Variants in NFKBID observed in about 807,000 individuals in gnomAD.
NFKBID encodes NF-kappa-B inhibitor delta.
Under a neutral mutation model 53.4 loss-of-function variants are expected in NFKBID, and 26 were observed. The ratio of observed to expected loss-of-function variants is 0.49; its 90% CI spans 0.36 to 0.68. The LOEUF (loss-of-function observed/expected upper bound fraction) is 0.68, where lower values mean the gene tolerates loss of function less well. Among genes scored for constraint, NFKBID ranks in the 30% least tolerant of loss-of-function variants. The probability of loss-of-function intolerance (pLI) is 0.00; values close to 1 mark genes in which losing one functional copy is unlikely to be tolerated. For synonymous variants in NFKBID, 262 were observed against 259.8 expected (o/e 1.01, Z -0.08); for missense variants, 493 against 614.1 (o/e 0.80, Z 2.08).
intron 9 of NFKBID, 53 bp from the exon 10 acceptor site, chr19:35,890,543 T>A (rs772375328): frequency 8.3e-7 from 1 of 1,202,460 alleles, no homozygotes; most frequent in Non-Finnish European, 1.2e-6. Context: ...CTAGGTGCCC[T>A]CCCACAGAAT....
exon 4 of NFKBID, chr19:35,897,690 C>T (rs767702552): frequency 6.8e-6 from 11 of 1,610,314 alleles, no homozygotes; most frequent in African/African-American, 2.7e-5. Flanking sequence ...GCCCTGGGTC[C>T]GAGGGTGGGT....
chr19:35,898,573 C>A, intron 2 of NFKBID, 41 bp from the exon 3 acceptor site: 1 of 1,478,274 alleles, frequency 6.8e-7, no homozygotes, highest in Admixed American at 2.2e-5. Flanking sequence ...GTGACTTTAT[C>A]TGGCAGATTC....
At chr19:35,891,242 A>G (rs1974741591) in intron 9 of NFKBID, among the ~76,000 whole-genome samples, 1 of 152,244 alleles carries the variant, frequency 6.6e-6, no homozygotes, top group Non-Finnish European at 1.5e-5. Context: ...GGGGGAAAAT[A>G]AAAGACATTT....
At chr19:35,899,449 C>T (rs1302090279) in intron 1 of NFKBID, among the ~76,000 whole-genome samples, 1 of 151,360 alleles carries the variant, frequency 6.6e-6, no homozygotes, top group African/African-American at 2.4e-5. Context: ...GCTGTATATC[C>T]CAGGTGAGGC....
chr19:35,891,536 A>AT (rs1371079899), intron 9 of NFKBID, among the ~76,000 whole-genome samples: 1 of 152,168 alleles, frequency 6.6e-6, no homozygotes, highest in African/African-American at 2.4e-5. Flanking sequence ...AAAATCTTTA[A>AT]TTTTTTAAAG....
chr19:35,896,109 C>G lies in NFKBID; in HGVS notation c.903G>C (p.Thr301=). ...TAGCAACGTTAAGGGCCAGGATGGC[C>G]GTGTGGAGCGGGGTGAGGCCTGCAG... Residue 301 remains threonine, a synonymous_variant, in exon 9 of 12, where the codon ACG becomes ACC. Coordinates refer to ENST00000641389, the Ensembl canonical transcript of NFKBID. The surrounding 1 kb of genome is among the most constrained non-coding windows in gnomAD (Gnocchi z 5.7). 1.2e-6 allele frequency: 2 copies of G among 1,614,174 alleles called. No individual in the cohort carries two copies. Among genetic ancestry groups the G allele is most frequent in the Non-Finnish European group, 8.5e-7 (1 of 1,180,012 alleles).
At chr19:35,900,411 G>C (rs1258377509) in intron 1 of NFKBID, 31 bp downstream of exon 1, 1 of 1,227,724 alleles carries the variant, frequency 8.1e-7, no homozygotes, top group African/African-American at 1.6e-5. Context: ...CTCTCTTAGG[G>C]GGCCGAACGC....
intron 10 of NFKBID, 138 bp downstream of exon 10, chr19:35,890,236 T>C (rs2146934402): frequency 2.4e-6 from 2 of 842,002 alleles, no homozygotes; most frequent in Middle Eastern, 3.1e-4. Flanking sequence ...TGGGGCAATC[T>C]GTGTCTGCTT....
At position 35,896,109 on chromosome 19, in the gene NFKBID, C is replaced by T. The variant is rs201008624; in HGVS notation, c.903G>A (p.Thr301=). 137 of 1,614,174 alleles carry T rather than the reference C, an allele frequency of 8.5e-5. No individual in the cohort carries two copies. In the African/African-American group the frequency reaches 1.6e-3, roughly 19 times the overall value. The change falls in exon 9 of 12, where the codon ACG becomes ACA. Residue 301 remains threonine, a synonymous_variant. Coordinates refer to ENST00000641389, the Ensembl canonical transcript of NFKBID. This position sits in a 1 kb window ranked among gnomAD's most constrained non-coding sequence, Gnocchi z 5.7. ...TAGCAACGTTAAGGGCCAGGATGGCCGTGTGGAGCGGGGTGAGGCCTGCAG... is the reference window on the plus strand; with the variant it reads ...TAGCAACGTTAAGGGCCAGGATGGCTGTGTGGAGCGGGGTGAGGCCTGCAG...
At chr19:35,888,543 G>T (rs1020498541) in exon 12 of NFKBID, 1 of 1,556,888 alleles carries the variant, frequency 6.4e-7, no homozygotes, top group South Asian at 1.2e-5. Context: ...ATCAGTCCAG[G>T]GTCTGGGTTT....
chr19:35,891,520 T>C (rs916393132), intron 9 of NFKBID, among the ~76,000 whole-genome samples: 10 of 152,196 alleles, frequency 6.6e-5, no homozygotes, highest in African/African-American at 2.4e-4. Context: ...TATTTGGTAT[T>C]ACAAGAAAAT....
chr19:35,891,792 G>C (rs1252192588), intron 9 of NFKBID, among the ~76,000 whole-genome samples: 1 of 152,056 alleles, frequency 6.6e-6, no homozygotes, highest in Non-Finnish European at 1.5e-5. Flanking sequence ...GCTTGAACCC[G>C]GGAGGCAGAG....
chr19:35,898,364 A>C (rs1450293266), intron 3 of NFKBID, 108 bp downstream of exon 3: 3 of 707,610 alleles, frequency 4.2e-6, no homozygotes, highest in Middle Eastern at 7.7e-4. Context: ...AAAAAAAAAA[A>C]GGGAAGAATG....
intron 9 of NFKBID, 52 bp from the exon 10 acceptor site, chr19:35,890,542 C>T (rs934874859): frequency 8.1e-7 from 1 of 1,241,830 alleles, no homozygotes. Flanking sequence ...CCTAGGTGCC[C>T]TCCCACAGAA....
chr19:35,892,436 G>A (rs1048720503), intron 9 of NFKBID, among the ~76,000 whole-genome samples: 6 of 151,564 alleles, frequency 4.0e-5, no homozygotes, highest in African/African-American at 1.5e-4. Flanking sequence ...TATAGTCCCA[G>A]CTACTCGGGA....
At chr19:35,888,271 C>T in exon 12 of NFKBID, 1 of 390,612 alleles carries the variant, frequency 2.6e-6, no homozygotes, top group South Asian at 3.2e-5. Context: ...CCCGAAAGAT[C>T]TCAGTGGGGA....
At chr19:35,895,421 G>A (rs1009932544) in intron 9 of NFKBID, among the ~76,000 whole-genome samples, 1 of 151,904 alleles carries the variant, frequency 6.6e-6, no homozygotes, top group Admixed American at 6.6e-5. Flanking sequence ...CTGGGAGGCA[G>A]AGTTTGCCAT....
intron 11 of NFKBID, among the ~76,000 whole-genome samples, chr19:35,889,130 C>G (rs1157191789): frequency 1.3e-5 from 2 of 148,720 alleles, no homozygotes; most frequent in Non-Finnish European, 1.5e-5. Context: ...GCGGGAGGAT[C>G]AATTGAGGCC....
At chr19:35,890,114 C>G in intron 10 of NFKBID, 60 bp from the exon 11 acceptor site, 2 of 1,495,184 alleles carry the variant, frequency 1.3e-6, no homozygotes, top group Admixed American at 4.5e-5. Context: ...GGCCTCTAAA[C>G]TGCACTTCAA....
Sources: allele counts gnomAD v4.1 joint callset (sites outside exome capture counted in the v4.1 genomes callset), GRCh38; gene constraint gnomAD v4.1.1; non-coding constraint Gnocchi (gnomAD v3.1); transcripts MANE v1.5; gene names NCBI Gene and HGNC (gene_info 2026-07-23, HGNC 2026-07-21).